Variants in EYS observed in about 807,000 individuals in gnomAD.
EYS encodes EGF-like photoreceptor maintenance factor, also known as protein eyes shut homolog.
EYS carries 250 observed loss-of-function variants against 282.1 expected under a neutral mutation model. The observed-to-expected ratio is 0.89, with a 90% CI of 0.80 to 0.98. The LOEUF is 0.98. EYS is among the 50% of genes least tolerant of loss of function. EYS has a pLI of 0.00. For missense variants in EYS, 4,016 were observed against 3,709.0 expected, an observed-to-expected ratio of 1.08 and a Z score of -2.15; for synonymous variants, 1,355 against 1,282.9, an observed-to-expected ratio of 1.06 and a Z score of -1.20.
intron 5 of EYS, among the ~76,000 whole-genome samples, chr6:65,471,531 T>C (rs1765217734): frequency 6.6e-6 from 1 of 152,218 alleles, no homozygotes; most frequent in Non-Finnish European, 1.5e-5. Context: ...GACAACTTGC[T>C]TAGCATATCA....
Position 64,446,558 on chromosome 6 carries a change from A to ATT in EYS, c.5645-7208_5645-7207dup, listed in dbSNP as rs57892564. ...GGAATCTTAGCTTGGGGCATTTTTCATTTTTTTTTGTTTTGTTTTGGTTAG... is the reference window on the plus strand; with the variant it reads ...GGAATCTTAGCTTGGGGCATTTTTCATTTTTTTTTTTGTTTTGTTTTGGTTAG... On this transcript the variant is annotated intron_variant, in intron 26 of 42. Transcript: ENST00000503581. Among the ~76,000 whole-genome samples, 186 of 151,060 alleles carry ATT rather than the reference A, an allele frequency of 1.2e-3. 1 individual carries two copies. Among genetic ancestry groups the ATT allele is most frequent in the African/African-American group, 4.2e-3 (174 of 41,226 alleles).
At chr6:63,991,832 A>T (rs942390352) in intron 34 of EYS, among the ~76,000 whole-genome samples, 1 of 151,780 alleles carries the variant, frequency 6.6e-6, no homozygotes, top group Non-Finnish European at 1.5e-5. Flanking sequence ...ATTTTAAAAG[A>T]TGCACAAAAA....
At chr6:65,556,335 T>C (rs963300175) in intron 2 of EYS, among the ~76,000 whole-genome samples, 1 of 151,890 alleles carries the variant, frequency 6.6e-6, no homozygotes, top group African/African-American at 2.4e-5. Context: ...ACTGAACTCA[T>C]AAAATTTCCC....
chr6:64,571,647 C>T (rs893074223), intron 26 of EYS, among the ~76,000 whole-genome samples: 1 of 152,154 alleles, frequency 6.6e-6, no homozygotes, highest in Admixed American at 6.5e-5. Context: ...ATGCTATAAA[C>T]GTCTCTATGC....
intron 12 of EYS, among the ~76,000 whole-genome samples, chr6:65,237,603 C>T (rs993385419): frequency 2.6e-5 from 4 of 152,080 alleles, no homozygotes; most frequent in African/African-American, 4.8e-5. Flanking sequence ...TGTGGTAGTG[C>T]TATAAACCAC....
intron 41 of EYS, among the ~76,000 whole-genome samples, chr6:63,745,978 G>C (rs1474343186): frequency 1.3e-5 from 2 of 152,186 alleles, no homozygotes; most frequent in East Asian, 1.9e-4. Flanking sequence ...GCCAGGAAGA[G>C]AGCCCTTGCT....
chr6:65,292,926 A>C (rs1562076924), intron 12 of EYS, among the ~76,000 whole-genome samples: 1 of 151,766 alleles, frequency 6.6e-6, no homozygotes, highest in Non-Finnish European at 1.5e-5. Context: ...AATTTATAAT[A>C]TATAAGATTG....
chr6:63,835,624 G>T (rs1771785126), intron 36 of EYS, among the ~76,000 whole-genome samples: 1 of 151,980 alleles, frequency 6.6e-6, no homozygotes, highest in African/African-American at 2.4e-5. Flanking sequence ...CAAATATGGT[G>T]CAGTGTATAC....
chr6:63,892,832 C>G (rs142851903), intron 35 of EYS, among the ~76,000 whole-genome samples: 1,702 of 152,260 alleles, frequency 0.011, 24 homozygotes, highest in African/African-American at 0.039. Flanking sequence ...ATCTGTCCAT[C>G]TGACAAAGGG....
chr6:65,620,297 C>G (rs1169209120), intron 2 of EYS, among the ~76,000 whole-genome samples: 3 of 152,084 alleles, frequency 2.0e-5, no homozygotes, highest in East Asian at 1.9e-4. Context: ...GTGTATGTGT[C>G]GAGGAATTCA....
intron 33 of EYS, among the ~76,000 whole-genome samples, chr6:64,020,166 A>G (rs943823720): frequency 2.6e-5 from 4 of 152,140 alleles, no homozygotes; most frequent in African/African-American, 9.6e-5. Context: ...TAGGGTGACT[A>G]TAGTTAACAA....
chr6:65,696,291 T>C (rs967394174), intron 1 of EYS, among the ~76,000 whole-genome samples: 14 of 152,152 alleles, frequency 9.2e-5, no homozygotes, highest in African/African-American at 3.1e-4. Context: ...TATCTAAACA[T>C]CTTTATTTAC....
intron 12 of EYS, among the ~76,000 whole-genome samples, chr6:65,119,985 T>C (rs1775484479): frequency 6.6e-6 from 1 of 150,884 alleles, no homozygotes; most frequent in Admixed American, 6.6e-5. Context: ...CCGTCTCTAC[T>C]AAAAATACAA....
chr6:65,643,263 T>A (rs1013835793), intron 1 of EYS, among the ~76,000 whole-genome samples: 1 of 152,106 alleles, frequency 6.6e-6, no homozygotes, highest in African/African-American at 2.4e-5. Flanking sequence ...GACTGCTGAC[T>A]TTCCCCCACT....
At chr6:64,211,600 AATTC>A (rs1290115260) in intron 31 of EYS, among the ~76,000 whole-genome samples, 7 of 147,646 alleles carry the variant, frequency 4.7e-5, no homozygotes, top group African/African-American at 1.5e-4. Context: ...AATCTAATTT[AATTC>A]ATTTATATGC....
intron 22 of EYS, among the ~76,000 whole-genome samples, chr6:64,734,011 G>T (rs1010878265): frequency 5.9e-5 from 9 of 151,578 alleles, no homozygotes; most frequent in Non-Finnish European, 1.2e-4. Flanking sequence ...CTTCAATTAC[G>T]TTTAAAACAA....
intron 12 of EYS, among the ~76,000 whole-genome samples, chr6:65,072,157 T>C (rs1375664453): frequency 6.6e-6 from 1 of 151,884 alleles, no homozygotes; most frequent in Non-Finnish European, 1.5e-5. Flanking sequence ...AGTGCATCCC[T>C]ATAAACTCAC....
chr6:64,796,871 T>G (rs2150004779), intron 22 of EYS, among the ~76,000 whole-genome samples: 1 of 152,234 alleles, frequency 6.6e-6, no homozygotes, highest in East Asian at 1.9e-4. Flanking sequence ...AAGTTCAATT[T>G]TACACCATTC....
intron 1 of EYS, among the ~76,000 whole-genome samples, chr6:65,687,395 T>C (rs16897066): frequency 0.052 from 7,887 of 152,108 alleles, 635 homozygotes; most frequent in African/African-American, 0.17. Flanking sequence ...AAAATCTGAA[T>C]AATTTAGGGA....
Sources: allele counts gnomAD v4.1 joint callset (sites outside exome capture counted in the v4.1 genomes callset), GRCh38; gene constraint gnomAD v4.1.1; transcripts MANE v1.5; gene names NCBI Gene and HGNC (gene_info 2026-07-23, HGNC 2026-07-21).